The following NCKAP1L variants were observed in gnomAD, a reference collection of about 807,000 sequenced individuals.
NCKAP1L encodes the protein NCK associated protein 1 like.
NCKAP1L carries 53 observed loss-of-function variants against 139.2 expected under a neutral mutation model. The observed-to-expected ratio is 0.38, with a 90% CI of 0.31 to 0.48. NCKAP1L has a LOEUF of 0.48. Among genes scored for constraint, NCKAP1L ranks in the 20% least tolerant of loss-of-function variants. The probability of loss-of-function intolerance (pLI) is 0.98; values close to 1 mark genes in which losing one functional copy is unlikely to be tolerated. For missense variants in NCKAP1L, 1,151 were observed against 1,381.9 expected (o/e 0.83, Z 2.65); for synonymous variants, 468 against 499.7 (o/e 0.94, Z 0.85).
rs759064510 is a variant in NCKAP1L, at chr12:54,531,726, C to G, written c.2699-17C>G. 1.2e-6 allele frequency: 2 copies of G among 1,609,570 alleles called. No individual in the cohort carries two copies. The highest frequency in any genetic ancestry group is 3.3e-5 in the Admixed American group (2 of 59,934). ...CCTCTCTAAATTATCTTTTCTAACA[C>G]GCTTCTTTCTCCTCAGGGGCTGAAA... On this transcript the variant is annotated splice_polypyrimidine_tract_variant and intron_variant, in intron 24 of 30. Transcript: ENST00000293373.
At position 54,512,132 on chromosome 12, in the gene NCKAP1L, C is replaced by A; in HGVS notation, c.941+27C>A. 3 of 1,610,792 alleles carry A rather than the reference C, an allele frequency of 1.9e-6. No homozygotes were observed. In the South Asian group the frequency reaches 3.3e-5, roughly 18 times the overall value. Reference sequence around the variant, plus strand: ...TGAGAGACACGAGAGCCAAACTGATCTTCCTTGAATAGTTTTTAGCCCCTC... The same window carrying A: ...TGAGAGACACGAGAGCCAAACTGATATTCCTTGAATAGTTTTTAGCCCCTC... On this transcript the variant is annotated intron_variant, in intron 9 of 30. Coordinates refer to ENST00000293373, the MANE Select transcript of NCKAP1L (RefSeq NM_005337.5).
intron 9 of NCKAP1L, among the ~76,000 whole-genome samples, chr12:54,515,189 C>G (rs1326712968): frequency 6.6e-6 from 1 of 152,022 alleles, no homozygotes; most frequent in Non-Finnish European, 1.5e-5. Flanking sequence ...AATAATTATC[C>G]AATAGATTGC....
intron 7 of NCKAP1L, 32 bp from the exon 8 acceptor site, chr12:54,511,771 A>G: frequency 6.2e-7 from 1 of 1,608,694 alleles, no homozygotes; most frequent in Non-Finnish European, 8.5e-7. Flanking sequence ...GCCAAGTTAA[A>G]TAACTGATCA....
At chr12:54,507,715 T>G (rs994323477) in intron 3 of NCKAP1L, 138 bp from the exon 4 acceptor site, 38 of 777,884 alleles carry the variant, frequency 4.9e-5, no homozygotes, top group Middle Eastern at 4.9e-4. Flanking sequence ...TTCCTCCCTC[T>G]TTTTCACAGT....
chr12:54,508,455 C>A lies in NCKAP1L; in HGVS notation c.430C>A (p.Leu144Ile). ...TGTAACTTACACCTCAGTCATTTTA[C>A]TTCTGTCACGGATTGAAGATCGGCG... is the stretch of plus-strand genomic sequence containing the variant. Reference protein sequence around the residue: ...LIVTYTSVILLLSRIEDRRIL... With the variant: ...LIVTYTSVILILSRIEDRRIL... The change falls in exon 5 of 31, where the codon CTT becomes ATT. Residue 144 changes from leucine to isoleucine, a missense_variant. Coordinates refer to ENST00000293373, the MANE Select transcript of NCKAP1L (RefSeq NM_005337.5). 3 of 1,614,118 alleles carry A rather than the reference C, an allele frequency of 1.9e-6. No individual in the cohort carries two copies. Among genetic ancestry groups the A allele is most frequent in the Non-Finnish European group, 2.5e-6 (3 of 1,179,964 alleles).
At chr12:54,505,633 T>C (rs1956833926) in intron 3 of NCKAP1L, among the ~76,000 whole-genome samples, 1 of 151,824 alleles carries the variant, frequency 6.6e-6, no homozygotes. Context: ...ATCTATGTTG[T>C]TGCATGTATC....
intron 28 of NCKAP1L, 95 bp from the exon 29 acceptor site, chr12:54,536,848 CT>C (rs1957117200): frequency 3.8e-6 from 3 of 786,812 alleles, no homozygotes; most frequent in Non-Finnish European, 6.4e-6. Flanking sequence ...GTGGCTCAGC[CT>C]GAAAACATGA....
At chr12:54,528,875 T>C (rs1047684211) in intron 22 of NCKAP1L, among the ~76,000 whole-genome samples, 7 of 152,120 alleles carry the variant, frequency 4.6e-5, no homozygotes, top group Non-Finnish European at 7.4e-5. Context: ...GACCTTGTGA[T>C]CTGCCCGCCT....
At chr12:54,515,129 T>G (rs1325962191) in intron 9 of NCKAP1L, among the ~76,000 whole-genome samples, 1 of 152,230 alleles carries the variant, frequency 6.6e-6, no homozygotes, top group Non-Finnish European at 1.5e-5. Flanking sequence ...CAATTCCAGG[T>G]TTCTGGACTC....
intron 20 of NCKAP1L, among the ~76,000 whole-genome samples, chr12:54,524,431 G>T (rs998602359): frequency 5.3e-5 from 8 of 152,098 alleles, no homozygotes; most frequent in African/African-American, 1.9e-4. Flanking sequence ...CATATGTTAG[G>T]CTTTAATAAA....
intron 5 of NCKAP1L, 79 bp from the exon 6 acceptor site, chr12:54,509,590 C>A: frequency 3.0e-6 from 3 of 992,794 alleles, no homozygotes; most frequent in Non-Finnish European, 4.8e-6. Flanking sequence ...ATGCACATAT[C>A]TTTATCCTAT....
chr12:54,517,484 A>C, intron 11 of NCKAP1L, 49 bp from the exon 12 acceptor site: 1 of 1,242,862 alleles, frequency 8.0e-7, no homozygotes, highest in Non-Finnish European at 1.2e-6. Context: ...TGTGCTTTGA[A>C]ATCCATTTTT....
At chr12:54,518,883 G>A (rs779016424) in intron 14 of NCKAP1L, 31 bp from the exon 15 acceptor site, 1 of 1,600,234 alleles carries the variant, frequency 6.2e-7, no homozygotes, top group Admixed American at 1.7e-5. Context: ...GCTGTTTATT[G>A]TTTCCTTTTA....
At chr12:54,499,651 A>T (rs981407168) in intron 2 of NCKAP1L, among the ~76,000 whole-genome samples, 186 bp downstream of exon 2, 1 of 152,164 alleles carries the variant, frequency 6.6e-6, no homozygotes, top group African/African-American at 2.4e-5. Flanking sequence ...GAGCATTTTG[A>T]GATAAGATGG....
rs1957178636 is a variant in NCKAP1L, at chr12:54,543,872, T to A, written c.*1187T>A. 6.6e-6 allele frequency: 1 copy of A among 152,194 alleles called. No individual in the cohort carries two copies. The highest frequency in any genetic ancestry group is 2.1e-4 in the South Asian group (1 of 4,822). 9.4% of individuals were successfully genotyped at this position (152,194 alleles called of 1,614,324 possible). A position where few individuals can be genotyped will look rare whatever the true frequency, so the allele number is the denominator to read the frequency against. ...CATATATGTCACAGGTCTAGAGTGG[T>A]TGGAATTGACAAATATAATTAGCTA... On this transcript the variant is annotated 3_prime_UTR_variant, in exon 31 of 31. Coordinates refer to ENST00000293373, the MANE Select transcript of NCKAP1L (RefSeq NM_005337.5).
intron 20 of NCKAP1L, among the ~76,000 whole-genome samples, chr12:54,524,666 T>A (rs1236041578): frequency 1.3e-5 from 2 of 152,180 alleles, no homozygotes; most frequent in African/African-American, 2.4e-5. Flanking sequence ...AAAAGCTGTT[T>A]ATACAGCAAT....
chr12:54,526,573 C>T lies in NCKAP1L; in HGVS notation c.2202C>T (p.Ile734=), dbSNP rs755387703. ...GCTACAATGCCACGACCCAGGAGAT[C>T]GTACGGCCTTCTGAGCTGTTGGCAG... ...LAGYNATTQE[I]VRPSELLAGV... Residue 734 remains isoleucine, a synonymous_variant, in exon 21 of 31, where the codon ATC becomes ATT. Coordinates refer to ENST00000293373, the MANE Select transcript of NCKAP1L (RefSeq NM_005337.5). The T allele has an allele frequency of 1.6e-5, 26 of 1,613,920 alleles. No individual in the cohort carries two copies. Among genetic ancestry groups the T allele is most frequent in the Non-Finnish European group, 2.2e-5 (26 of 1,180,028 alleles).
chr12:54,536,629 GC>G (rs1227869234), intron 28 of NCKAP1L: 2 of 317,438 alleles, frequency 6.3e-6, no homozygotes, highest in Non-Finnish European at 1.2e-5. Flanking sequence ...CTGCACTCCA[GC>G]ATAGTGACAG....
intron 21 of NCKAP1L, among the ~76,000 whole-genome samples, chr12:54,526,988 C>A (rs980264090): frequency 6.6e-6 from 1 of 152,184 alleles, no homozygotes; most frequent in African/African-American, 2.4e-5. Flanking sequence ...AGTTATTTGA[C>A]CTTTTCTCTC....
Sources: gnomAD v4.1 joint callset for allele counts (sites outside exome capture counted in the v4.1 genomes callset) on GRCh38, gnomAD v4.1.1 for gene constraint, MANE v1.5 for transcripts, NCBI Gene and HGNC (gene_info 2026-07-23, HGNC 2026-07-21) for gene names.